Variants in BMPR1A observed in about 807,000 individuals in gnomAD.
BMPR1A encodes bone morphogenetic protein receptor type 1A.
In BMPR1A, 7 loss-of-function variants were observed where a neutral mutation model predicts 66.0. The observed-to-expected ratio is 0.11, with a 90% confidence interval of 0.06 to 0.20. The LOEUF (loss-of-function observed/expected upper bound fraction) is 0.20. BMPR1A is among the 10% of genes least tolerant of loss of function. The probability of loss-of-function intolerance (pLI) is 1.00; values close to 1 mark genes in which losing one functional copy is unlikely to be tolerated. For missense variants in BMPR1A, 408 were observed against 669.1 expected, an observed-to-expected ratio of 0.61 and a Z score of 4.31; for synonymous variants, 200 against 229.7, an observed-to-expected ratio of 0.87 and a Z score of 1.17.
At chr10:86,841,774 C>T (rs1440326998) in intron 2 of BMPR1A, among the ~76,000 whole-genome samples, 1 of 152,154 alleles carries the variant, frequency 6.6e-6, no homozygotes, top group East Asian at 1.9e-4. Context: ...TTCCCGCCCC[C>T]ACCAACCCCC....
At chr10:86,916,279 C>T (rs753983764) in intron 8 of BMPR1A, among the ~76,000 whole-genome samples, 3 of 152,172 alleles carry the variant, frequency 2.0e-5, no homozygotes, top group Admixed American at 6.5e-5. Flanking sequence ...GACTTTGCTG[C>T]ATAATAAACC....
rs115928502 is a variant in BMPR1A at position 86,789,849 on chromosome 10, G to A, written c.-268+32930G>A. On this transcript the variant is annotated intron_variant, in intron 1 of 12. Transcript: ENST00000372037. Reference sequence around the variant, plus strand: ...TACATAAGCTCATGAAAATAATGTCGTTAGTCATTAGAAATATAAATCAAA... The same window carrying A: ...TACATAAGCTCATGAAAATAATGTCATTAGTCATTAGAAATATAAATCAAA... 8.4e-3 allele frequency among the ~76,000 whole-genome samples: 1,275 copies of A among 150,910 alleles called. 13 individuals carry two copies. Among genetic ancestry groups the A allele is most frequent in the African/African-American group, 0.028 (1,153 of 41,196 alleles).
intron 2 of BMPR1A, among the ~76,000 whole-genome samples, chr10:86,863,045 T>A (rs1448279144): frequency 2.6e-5 from 4 of 151,682 alleles, no homozygotes; most frequent in Admixed American, 2.6e-4. Flanking sequence ...AGTGGCACAG[T>A]CTCAGCTCAC....
chr10:86,761,181 C>G (rs541441822), intron 1 of BMPR1A, among the ~76,000 whole-genome samples: 4 of 152,268 alleles, frequency 2.6e-5, no homozygotes, highest in South Asian at 4.2e-4. Flanking sequence ...GTCCCTAAGC[C>G]AGTTCGTATG....
chr10:86,864,836 T>C (rs1193651940), intron 2 of BMPR1A, among the ~76,000 whole-genome samples: 1 of 152,144 alleles, frequency 6.6e-6, no homozygotes, highest in African/African-American at 2.4e-5. Context: ...CAAATGTTTC[T>C]TCTAACAATC....
At chr10:86,787,713 C>T (rs1019499806) in intron 1 of BMPR1A, among the ~76,000 whole-genome samples, 2 of 152,122 alleles carry the variant, frequency 1.3e-5, no homozygotes, top group Non-Finnish European at 2.9e-5. Context: ...GCAGGCTATA[C>T]AGGAGGCATG....
At chr10:86,760,309 A>G (rs1490886185) in intron 1 of BMPR1A, among the ~76,000 whole-genome samples, 5 of 127,724 alleles carry the variant, frequency 3.9e-5, no homozygotes, top group Non-Finnish European at 3.1e-5. Flanking sequence ...GCTGGAGTGC[A>G]ATGGCGTGAG....
At chr10:86,877,220 T>G (rs1180086468) in intron 3 of BMPR1A, among the ~76,000 whole-genome samples, 2 of 151,482 alleles carry the variant, frequency 1.3e-5, no homozygotes, top group Non-Finnish European at 2.9e-5. Context: ...TTTTTTTTTT[T>G]TTTTTGAGAC....
chr10:86,761,943 A>C (rs576294357), intron 1 of BMPR1A, among the ~76,000 whole-genome samples: 4 of 152,230 alleles, frequency 2.6e-5, no homozygotes, highest in Admixed American at 1.3e-4. Context: ...GCAGTTGTCT[A>C]TATGGGTCTG....
chr10:86,886,567 C>T (rs17107175), intron 3 of BMPR1A, among the ~76,000 whole-genome samples: 9,152 of 152,146 alleles, frequency 0.06, 633 homozygotes, highest in African/African-American at 0.17. Flanking sequence ...ACAAGTCAGT[C>T]AGGAGATGTC....
At chr10:86,916,258 A>G (rs1282053629) in intron 8 of BMPR1A, among the ~76,000 whole-genome samples, 2 of 152,208 alleles carry the variant, frequency 1.3e-5, no homozygotes, top group Non-Finnish European at 2.9e-5. Context: ...AAGATCTTTA[A>G]CTGTTATTTG....
At chr10:86,894,711 A>G (rs1010433263) in intron 5 of BMPR1A, among the ~76,000 whole-genome samples, 5 of 152,236 alleles carry the variant, frequency 3.3e-5, no homozygotes, top group African/African-American at 1.2e-4. Flanking sequence ...AGGAATTACT[A>G]TGAGGATCAA....
chr10:86,915,689 C>T lies in BMPR1A; in HGVS notation c.676-1445C>T, dbSNP rs145778282. ...GTTGCAGTGAGCTGAGATTGGCCGCCGCACTCCAGCCTGAGCAACGGAGCG... is the reference window on the plus strand; with the variant it reads ...GTTGCAGTGAGCTGAGATTGGCCGCTGCACTCCAGCCTGAGCAACGGAGCG... On this transcript the variant is annotated intron_variant, in intron 8 of 12. Transcript: ENST00000372037. Among the ~76,000 whole-genome samples the T allele has an allele frequency of 3.3e-3, 499 of 152,130 alleles. 2 individuals are homozygous for T. Among genetic ancestry groups the T allele is most frequent in the African/African-American group, 0.011 (439 of 41,510 alleles).
intron 1 of BMPR1A, among the ~76,000 whole-genome samples, chr10:86,786,077 A>G (rs941942141): frequency 6.6e-6 from 1 of 152,160 alleles, no homozygotes; most frequent in African/African-American, 2.4e-5. Flanking sequence ...AGCTCCTGCC[A>G]CTACTGCCTG....
chr10:86,901,251 G>A (rs1564718308), intron 7 of BMPR1A, among the ~76,000 whole-genome samples: 1 of 152,192 alleles, frequency 6.6e-6, no homozygotes, highest in South Asian at 2.1e-4. Context: ...ATCTGACCCT[G>A]AGCTACCCAA....
At position 86,835,549 on chromosome 10, in the gene BMPR1A, C is replaced by CAAAAAAAAAAAAAAAAAAA. The variant is rs55804247; in HGVS notation, c.-267-3295_-267-3277dup. Among the ~76,000 whole-genome samples, 19 of 44,338 alleles carry CAAAAAAAAAAAAAAAAAAA rather than the reference C, an allele frequency of 4.3e-4. 1 individual carries two copies. Among genetic ancestry groups the CAAAAAAAAAAAAAAAAAAA allele is most frequent in the Admixed American group, 6.5e-4 (2 of 3,062 alleles). The allele number at this position is 44,338 out of a possible 152,430, so 29.1% of individuals were successfully genotyped here. A position where few individuals can be genotyped will look rare whatever the true frequency, so the allele number is the denominator to read the frequency against. On this transcript the variant is annotated intron_variant, in intron 1 of 12. Coordinates refer to ENST00000372037, the MANE Select transcript of BMPR1A (RefSeq NM_004329.3). ...CTGGGTGACAAGCAAGACTCTGTATCAAAAAAAAAAAAAAAAAAAAAAAAA... is the reference window on the plus strand; with the variant it reads ...CTGGGTGACAAGCAAGACTCTGTATCAAAAAAAAAAAAAAAAAAAAAAAAAAAAAAAAAAAAAAAAAAAA...
At chr10:86,761,329 T>C (rs912707319) in intron 1 of BMPR1A, among the ~76,000 whole-genome samples, 16 of 152,258 alleles carry the variant, frequency 1.1e-4, no homozygotes, top group African/African-American at 3.9e-4. Flanking sequence ...TCCTTTCTTA[T>C]GGCACAGATT....
intron 1 of BMPR1A, among the ~76,000 whole-genome samples, chr10:86,771,043 T>G (rs1841250508): frequency 6.6e-6 from 1 of 152,254 alleles, no homozygotes; most frequent in Non-Finnish European, 1.5e-5. Context: ...CTCAGTGGCC[T>G]GTTTCCAAAT....
intron 2 of BMPR1A, among the ~76,000 whole-genome samples, chr10:86,858,770 T>C (rs758444846): frequency 2.0e-5 from 3 of 151,964 alleles, no homozygotes; most frequent in Non-Finnish European, 2.9e-5. Context: ...ATGAAGGAAA[T>C]TGAAGCGGGC....
Sources: allele counts gnomAD v4.1 joint callset (sites outside exome capture counted in the v4.1 genomes callset), GRCh38; gene constraint gnomAD v4.1.1; transcripts MANE v1.5; gene names NCBI Gene and HGNC (gene_info 2026-07-23, HGNC 2026-07-21).